Variants in ZNF736 observed in about 807,000 individuals in gnomAD.
ZNF736 encodes the protein KRAB-containing zinc-finger repressor protein.
In ZNF736, 6 loss-of-function variants were observed where a neutral mutation model predicts 11.7. That is an observed-to-expected ratio of 0.51 (90% CI 0.28 to 1.01). The LOEUF (loss-of-function observed/expected upper bound fraction) is 1.01, where lower values mean the gene tolerates loss of function less well. ZNF736 is among the 50% of genes least tolerant of loss of function. The probability of loss-of-function intolerance (pLI) is 0.09; values close to 1 mark genes in which losing one functional copy is unlikely to be tolerated. For missense variants in ZNF736, 444 were observed against 496.0 expected (o/e 0.90, Z 1.00); for synonymous variants, 139 against 164.7 (o/e 0.84, Z 1.19).
chr7:64,332,285 T>C (rs1562671333), intron 1 of ZNF736, among the ~76,000 whole-genome samples: 2 of 151,752 alleles, frequency 1.3e-5, no homozygotes, highest in Non-Finnish European at 2.9e-5. Flanking sequence ...AGAGAAAGGG[T>C]ACAAAAAGAG....
intron 1 of ZNF736, among the ~76,000 whole-genome samples, chr7:64,324,269 A>G (rs994547514): frequency 3.9e-5 from 6 of 152,208 alleles, no homozygotes; most frequent in Admixed American, 3.9e-4. Context: ...TGAGTCAATC[A>G]TCAACAAATA....
Position 64,350,823 on chromosome 7 carries a change from A to G in ZNF736, c.*1676A>G, listed in dbSNP as rs1256016279. ...GTTTGGTGGTGGTGGTGGGTGGGCA[A>G]TGCTCAGCTCACAACTCAGAGGCTG... is the stretch of plus-strand genomic sequence containing the variant. On this transcript the variant is annotated 3_prime_UTR_variant, in exon 4 of 4. Coordinates refer to ENST00000423484, the MANE Select transcript of ZNF736 (RefSeq NM_001170905.3). 2.1e-5 allele frequency: 3 copies of G among 143,322 alleles called. No homozygotes were observed. The highest frequency in any genetic ancestry group is 3.1e-5 in the Non-Finnish European group (2 of 65,030). 8.9% of individuals were successfully genotyped at this position (143,322 alleles called of 1,614,324 possible).
At chr7:64,346,991 T>C (rs911439249) in intron 3 of ZNF736, among the ~76,000 whole-genome samples, 1 of 151,916 alleles carries the variant, frequency 6.6e-6, no homozygotes, top group Non-Finnish European at 1.5e-5. Flanking sequence ...AATTGATTTC[T>C]GGATATTCTT....
chr7:64,337,098 A>G (rs1314749349), intron 3 of ZNF736, 116 bp downstream of exon 3: 1 of 880,032 alleles, frequency 1.1e-6, no homozygotes, highest in Non-Finnish European at 1.8e-6. Context: ...GGTTTCTGAG[A>G]AACCTTCATT....
intron 1 of ZNF736, among the ~76,000 whole-genome samples, chr7:64,326,315 T>G (rs1397319680): frequency 9.2e-5 from 14 of 152,184 alleles, no homozygotes; most frequent in African/African-American, 3.4e-4. Flanking sequence ...CTGCCTATTT[T>G]TAATACACAG....
At chr7:64,346,418 TAGA>T (rs1031005248) in intron 3 of ZNF736, among the ~76,000 whole-genome samples, 3 of 81,712 alleles carry the variant, frequency 3.7e-5, no homozygotes, top group African/African-American at 1.7e-4. Flanking sequence ...ATGATATAGT[TAGA>T]TTTTTTTTTT....
intron 1 of ZNF736, among the ~76,000 whole-genome samples, chr7:64,319,304 T>A (rs1788960867): frequency 7.2e-6 from 1 of 139,054 alleles, no homozygotes; most frequent in Non-Finnish European, 1.5e-5. Context: ...TATGTGTGTG[T>A]GTGTATATGT....
chr7:64,340,179 T>A (rs115819303), intron 3 of ZNF736, among the ~76,000 whole-genome samples: 260 of 152,322 alleles, frequency 1.7e-3, no homozygotes, highest in African/African-American at 5.8e-3. Context: ...TGGCAAGATT[T>A]CCCCAAGTAA....
rs1789508762 is a variant in ZNF736, at chr7:64,352,866, C to T, written c.*3719C>T. 1 of 152,242 alleles carries T rather than the reference C, an allele frequency of 6.6e-6. No individual in the cohort carries two copies. The highest frequency in any genetic ancestry group is 2.4e-5 in the African/African-American group (1 of 41,450). The allele number at this position is 152,242 out of a possible 1,614,324, so 9.4% of individuals were successfully genotyped here. On this transcript the variant is annotated 3_prime_UTR_variant, in exon 4 of 4. Coordinates refer to ENST00000423484, the MANE Select transcript of ZNF736 (RefSeq NM_001170905.3). ...ATCCCAGGGAGGTGCAGTGCTGCTA[C>T]CAATGGTTGGCTGGAATCTAAGCCA...
intron 1 of ZNF736, among the ~76,000 whole-genome samples, chr7:64,318,304 C>G (rs1203972311): frequency 2.0e-5 from 3 of 151,812 alleles, no homozygotes; most frequent in African/African-American, 4.8e-5. Flanking sequence ...AATGAATAGC[C>G]ATCATTTAAT....
At chr7:64,322,044 T>G (rs1789010725) in intron 1 of ZNF736, among the ~76,000 whole-genome samples, 1 of 152,198 alleles carries the variant, frequency 6.6e-6, no homozygotes, top group South Asian at 2.1e-4. Context: ...AGTCTGAATT[T>G]AGCAATGAAA....
rs1419718287 is a variant in ZNF736, at chr7:64,319,357, A to ATATG, written c.3+5207_3+5208insGTAT. Among the ~76,000 whole-genome samples, 6 of 123,748 alleles carry ATATG rather than the reference A, an allele frequency of 4.8e-5. 1 individual carries two copies. Among genetic ancestry groups the ATATG allele is most frequent in the Admixed American group, 4.7e-4 (6 of 12,872 alleles). The allele number at this position is 123,748 out of a possible 152,430, so 81.2% of individuals were successfully genotyped here. A position where few individuals can be genotyped will look rare whatever the true frequency, so the allele number is the denominator to read the frequency against. On this transcript the variant is annotated intron_variant, in intron 1 of 3. Transcript: ENST00000423484. ...TGTATATATATATATATATATATAT[A>ATATG]TATATATATATATATATATATATGC... is the stretch of plus-strand genomic sequence containing the variant.
At chr7:64,326,669 C>T (rs1181689180) in intron 1 of ZNF736, among the ~76,000 whole-genome samples, 6 of 149,348 alleles carry the variant, frequency 4.0e-5, no homozygotes, top group African/African-American at 1.5e-4. Flanking sequence ...TTTTTTTTAA[C>T]TTTTTTTGAT....
At chr7:64,328,404 G>A (rs1341548456) in intron 1 of ZNF736, among the ~76,000 whole-genome samples, 1 of 151,910 alleles carries the variant, frequency 6.6e-6, no homozygotes, top group Non-Finnish European at 1.5e-5. Flanking sequence ...AATGTTATTT[G>A]TTTCTTTTCT....
In ZNF736 at chr7:64,351,555, C is replaced by G. The variant is rs1391864238; in HGVS notation, c.*2408C>G. 2 of 152,384 alleles carry G rather than the reference C, an allele frequency of 1.3e-5. No individual in the cohort carries two copies. Among genetic ancestry groups the G allele is most frequent in the African/African-American group, 4.8e-5 (2 of 41,574 alleles). 9.4% of individuals were successfully genotyped at this position (152,384 alleles called of 1,614,324 possible). A position where few individuals can be genotyped will look rare whatever the true frequency, so the allele number is the denominator to read the frequency against. On this transcript the variant is annotated 3_prime_UTR_variant, in exon 4 of 4. Coordinates refer to ENST00000423484, the MANE Select transcript of ZNF736 (RefSeq NM_001170905.3). The stretch of plus-strand genomic sequence containing the variant: ...TGGGTCCCTGGGAGAGGCCAGCAGA[C>G]CAAGGAGTGCTCAGTTGGACCAGCT...
At chr7:64,327,666 G>C (rs1789101268) in intron 1 of ZNF736, among the ~76,000 whole-genome samples, 1 of 151,908 alleles carries the variant, frequency 6.6e-6, no homozygotes. Context: ...TTTTTCTAGT[G>C]GTACGTTTTA....
In ZNF736 at chr7:64,353,024, T is replaced by C. The variant is rs1369468977; in HGVS notation, c.*3877T>C. Reference sequence around the variant, plus strand: ...CTTTGCTCGAGTTGCAGCTACTTTTTCTGGGAAGCCTGGAAAGCCAGTATC... The same window carrying C: ...CTTTGCTCGAGTTGCAGCTACTTTTCCTGGGAAGCCTGGAAAGCCAGTATC... On this transcript the variant is annotated 3_prime_UTR_variant, in exon 4 of 4. Coordinates refer to ENST00000423484, the MANE Select transcript of ZNF736 (RefSeq NM_001170905.3). The C allele has an allele frequency of 6.6e-6, 1 of 152,414 alleles. No individual in the cohort carries two copies. The highest frequency in any genetic ancestry group is 1.5e-5 in the Non-Finnish European group (1 of 68,196). The allele number at this position is 152,414 out of a possible 1,614,324, so 9.4% of individuals were successfully genotyped here.
chr7:64,342,064 T>G (rs1268185147), intron 3 of ZNF736, among the ~76,000 whole-genome samples: 3 of 152,204 alleles, frequency 2.0e-5, no homozygotes, highest in African/African-American at 7.2e-5. Flanking sequence ...ATCCATTTAA[T>G]CTGCTGGTGC....
intron 3 of ZNF736, among the ~76,000 whole-genome samples, chr7:64,343,233 C>CA (rs957411174): frequency 1.3e-5 from 2 of 151,390 alleles, no homozygotes; most frequent in Admixed American, 6.6e-5. Context: ...ACTACACAGC[C>CA]AAAAAAAATT....
Sources: gnomAD v4.1 joint callset for allele counts (sites outside exome capture counted in the v4.1 genomes callset) on GRCh38, gnomAD v4.1.1 for gene constraint, MANE v1.5 for transcripts, NCBI Gene and HGNC (gene_info 2026-07-23, HGNC 2026-07-21) for gene names.